PNLIP: variants seen among roughly 807,000 people sequenced by gnomAD.
PNLIP encodes the protein pancreatic lipase.
Under a neutral mutation model 57.1 loss-of-function variants are expected in PNLIP, and 49 were observed. That is an observed-to-expected ratio of 0.86 (90% CI 0.68 to 1.09). PNLIP has a LOEUF of 1.09. Among genes scored for constraint, PNLIP ranks in the 50% least tolerant of loss-of-function variants. The pLI, the probability that PNLIP is intolerant of heterozygous loss-of-function variation, is 0.00. For synonymous variants in PNLIP, 209 were observed against 200.4 expected, an observed-to-expected ratio of 1.04 and a Z score of -0.36; for missense variants, 503 against 570.2, an observed-to-expected ratio of 0.88 and a Z score of 1.20.
At chr10:116,563,226 A>G (rs1422371852) in intron 12 of PNLIP, among the ~76,000 whole-genome samples, 5 of 152,132 alleles carry the variant, frequency 3.3e-5, no homozygotes, top group Non-Finnish European at 7.4e-5. Context: ...CAGATTTTGA[A>G]TTTCTTTAGA....
chr10:116,559,086 A>T lies in PNLIP; in HGVS notation c.931-68A>T, dbSNP rs942829836. On this transcript the variant is annotated intron_variant, in intron 9 of 12. Transcript: ENST00000369221. ...TTTAGAATATTTGAATGGCGACAACATGTAGGAAATATGGTACACAACTAA... is the reference window on the plus strand; with the variant it reads ...TTTAGAATATTTGAATGGCGACAACTTGTAGGAAATATGGTACACAACTAA... 1.2e-5 allele frequency: 18 copies of T among 1,555,088 alleles called. No homozygotes were observed. In the Admixed American group the frequency reaches 1.8e-4, roughly 15 times the overall value.
At position 116,555,646 on chromosome 10, in the gene PNLIP, T is replaced by A; in HGVS notation, c.811+139T>A. 5.9e-6 allele frequency: 6 copies of A among 1,014,504 alleles called. No individual in the cohort carries two copies. In the East Asian group the frequency reaches 1.4e-4, roughly 24 times the overall value. 62.8% of individuals were successfully genotyped at this position (1,014,504 alleles called of 1,614,324 possible). A position where few individuals can be genotyped will look rare whatever the true frequency, so the allele number is the denominator to read the frequency against. On this transcript the variant is annotated intron_variant, in intron 8 of 12. Coordinates refer to ENST00000369221, the MANE Select transcript of PNLIP (RefSeq NM_000936.4). ...GACTTTTAATTGTATCCATGAGATG[T>A]AGGTTTTCACTGGGATAAGTGGGCA...
chr10:116,548,488 A>T lies in PNLIP; in HGVS notation c.324+6A>T. 1.2e-6 allele frequency: 2 copies of T among 1,612,898 alleles called. No homozygotes were observed. On this transcript the variant is annotated splice_donor_region_variant and intron_variant, in intron 4 of 12. Transcript: ENST00000369221. ...GGCTGGCCAATGTGTGCAAGGTGAG[A>T]TGTGGTCATCTCTCAAGGAAAGATC...
rs760408686 is a variant in PNLIP, at chr10:116,547,346, G to A, written c.99G>A (p.Trp33Ter). ...GCTGCTTCAGTGATGACTCCCCATG[G>A]TCAGGAATTACGGAAAGACCCCTCC... The part of the protein sequence containing the change: ...RLGCFSDDSP[W>*]SGITERPLHI... The change falls in exon 3 of 13, where the codon TGG becomes TGA. Residue 33 changes from tryptophan (W) to a stop codon, truncating the protein, a stop_gained. Transcript: ENST00000369221. LOFTEE classifies it high-confidence loss of function. 8 of 1,614,080 alleles carry A rather than the reference G, an allele frequency of 5.0e-6. No homozygotes were observed. Among genetic ancestry groups the A allele is most frequent in the Non-Finnish European group, 6.8e-6 (8 of 1,179,988 alleles).
chr10:116,550,203 C>A (rs1423780641), intron 4 of PNLIP, among the ~76,000 whole-genome samples: 1 of 151,574 alleles, frequency 6.6e-6, no homozygotes, highest in Non-Finnish European at 1.5e-5. Context: ...GGACTACAGG[C>A]TCCCACCACC....
chr10:116,562,002 A>G (rs186698541), intron 12 of PNLIP, among the ~76,000 whole-genome samples: 2 of 152,342 alleles, frequency 1.3e-5, no homozygotes, highest in Admixed American at 1.3e-4. Context: ...GTTGCTGGAA[A>G]CACAGTGAAT....
At chr10:116,548,241 T>C in intron 3 of PNLIP, 119 bp from the exon 4 acceptor site, 1 of 891,934 alleles carries the variant, frequency 1.1e-6, no homozygotes. Flanking sequence ...TATGGAGGAA[T>C]CATTATTCAC....
At chr10:116,559,087 T>A (rs1169138293) in intron 9 of PNLIP, 67 bp from the exon 10 acceptor site, 2 of 1,555,140 alleles carry the variant, frequency 1.3e-6, no homozygotes, top group East Asian at 4.5e-5. Flanking sequence ...GGCGACAACA[T>A]GTAGGAAATA....
At chr10:116,552,853 T>C (rs1847209392) in intron 5 of PNLIP, among the ~76,000 whole-genome samples, 1 of 151,912 alleles carries the variant, frequency 6.6e-6, no homozygotes, top group Admixed American at 6.6e-5. Flanking sequence ...GCCACTGCAC[T>C]CCAGCCTGGG....
intron 9 of PNLIP, among the ~76,000 whole-genome samples, chr10:116,558,430 G>A (rs1465779697): frequency 2.0e-5 from 3 of 151,212 alleles, no homozygotes; most frequent in African/African-American, 7.3e-5. Flanking sequence ...TCCTGACCTC[G>A]TGATCCTCCA....
intron 2 of PNLIP, among the ~76,000 whole-genome samples, chr10:116,546,701 C>T (rs981993682): frequency 1.2e-4 from 19 of 152,214 alleles, no homozygotes; most frequent in African/African-American, 4.6e-4. Flanking sequence ...GCTACTCTTA[C>T]TCCTACCATT....
At chr10:116,564,490 C>T (rs1847344473) in intron 12 of PNLIP, among the ~76,000 whole-genome samples, 1 of 152,110 alleles carries the variant, frequency 6.6e-6, no homozygotes, top group Non-Finnish European at 1.5e-5. Flanking sequence ...AATAATTCCT[C>T]ACCAGCAGGT....
At position 116,567,532 on chromosome 10, in the gene PNLIP, A is replaced by C. The variant is rs1324584607; in HGVS notation, c.1335-203A>C. On this transcript the variant is annotated intron_variant, in intron 12 of 12. Transcript: ENST00000369221. ...TCTACTGACAGCTTCTCTCTCAGCT[A>C]TTGCACAACCAGAAAATAACACTGG... 2.6e-5 allele frequency among the ~76,000 whole-genome samples: 4 copies of C among 152,174 alleles called. No homozygotes were observed. The East Asian group carries it at 7.7e-4, about 29-fold the overall frequency.
chr10:116,565,556 G>T (rs1486682258), intron 12 of PNLIP, among the ~76,000 whole-genome samples: 2 of 148,984 alleles, frequency 1.3e-5, no homozygotes, highest in Non-Finnish European at 3.0e-5. Flanking sequence ...TGCCTCCTGG[G>T]TTCAAGTGAT....
At chr10:116,548,851 C>T (rs1488992473) in intron 4 of PNLIP, among the ~76,000 whole-genome samples, 1 of 152,180 alleles carries the variant, frequency 6.6e-6, no homozygotes, top group Non-Finnish European at 1.5e-5. Context: ...TCTCATTTTG[C>T]CTGAATGAAT....
At chr10:116,556,702 T>A (rs892701240) in intron 9 of PNLIP, among the ~76,000 whole-genome samples, 1 of 152,078 alleles carries the variant, frequency 6.6e-6, no homozygotes, top group African/African-American at 2.4e-5. Context: ...TTATATGTGA[T>A]CTCAAATATG....
At chr10:116,558,983 T>C (rs1188154809) in intron 9 of PNLIP, among the ~76,000 whole-genome samples, 171 bp from the exon 10 acceptor site, 2 of 152,214 alleles carry the variant, frequency 1.3e-5, no homozygotes, top group Admixed American at 6.5e-5. Flanking sequence ...CTTACTGTTG[T>C]GAATAATGAA....
intron 12 of PNLIP, among the ~76,000 whole-genome samples, chr10:116,564,795 T>C (rs1438727938): frequency 6.6e-6 from 1 of 152,172 alleles, no homozygotes; most frequent in African/African-American, 2.4e-5. Context: ...CATTTATGAA[T>C]TGGTATACTT....
At chr10:116,567,672 A>G (rs1847384267) in intron 12 of PNLIP, 63 bp from the exon 13 acceptor site, 11 of 1,371,942 alleles carry the variant, frequency 8.0e-6, no homozygotes, top group Admixed American at 1.7e-5. Flanking sequence ...GATTGTCCTC[A>G]CTGTCACACT....
Sources: allele counts gnomAD v4.1 joint callset (sites outside exome capture counted in the v4.1 genomes callset), GRCh38; gene constraint gnomAD v4.1.1; transcripts MANE v1.5; gene names NCBI Gene and HGNC (gene_info 2026-07-23, HGNC 2026-07-21).